GPLD1: variants seen among roughly 807,000 people sequenced by gnomAD.
The protein encoded by GPLD1 is phosphatidylinositol-glycan-specific phospholipase D.
Under a neutral mutation model 112.6 loss-of-function variants are expected in GPLD1, and 84 were observed. The observed-to-expected ratio is 0.75, with a 90% confidence interval of 0.63 to 0.89. The LOEUF is 0.89. Among genes scored for constraint, GPLD1 ranks in the 40% least tolerant of loss-of-function variants. The pLI, the probability that GPLD1 is intolerant of heterozygous loss-of-function variation, is 0.00. For synonymous variants in GPLD1, 386 were observed against 403.8 expected (o/e 0.96, Z 0.53); for missense variants, 1,044 against 1,051.5 (o/e 0.99, Z 0.10).
intron 5 of GPLD1, 71 bp downstream of exon 5, chr6:24,475,050 G>A (rs77374467): frequency 0.11 from 89,222 of 794,040 alleles, 5,840 homozygotes; most frequent in Middle Eastern, 0.22. Context: ...CTTTTAAAAC[G>A]GTCAGGTTTT....
chr6:24,492,376 C>T (rs1000063174), upstream of GPLD1, among the ~76,000 whole-genome samples: 4 of 151,814 alleles, frequency 2.6e-5, no homozygotes, highest in Middle Eastern at 3.4e-3. Context: ...CATGGTGGCG[C>T]GCACCTGTAC....
intron 2 of GPLD1, among the ~76,000 whole-genome samples, chr6:24,480,999 C>T (rs149416197): frequency 5.7e-4 from 87 of 152,298 alleles, no homozygotes; most frequent in African/African-American, 2.1e-3. Context: ...GGCAGGTGCC[C>T]GAGGTGGTGA....
At chr6:24,445,703 T>C in intron 19 of GPLD1, 23 bp downstream of exon 19, 1 of 1,599,294 alleles carries the variant, frequency 6.3e-7, no homozygotes, top group East Asian at 2.2e-5. Flanking sequence ...TCCACTCTCC[T>C]GTGTGGGGAG....
At chr6:24,493,081 A>G (rs1484850088), upstream of GPLD1, among the ~76,000 whole-genome samples, 1 of 152,164 alleles carries the variant, frequency 6.6e-6, no homozygotes, top group Non-Finnish European at 1.5e-5. Context: ...ACCGTTTGAA[A>G]TAGAACCTTA....
chr6:24,452,486 G>A (rs867480346), intron 14 of GPLD1, among the ~76,000 whole-genome samples: 34 of 152,206 alleles, frequency 2.2e-4, no homozygotes, highest in Middle Eastern at 3.4e-3. Flanking sequence ...TTTTGAAAGC[G>A]TGTTCATGGC....
chr6:24,435,422 G>A (rs1006098552), intron 22 of GPLD1, among the ~76,000 whole-genome samples: 9 of 152,182 alleles, frequency 5.9e-5, no homozygotes, highest in African/African-American at 1.7e-4. Context: ...AGCAGGATCC[G>A]CTCTAAAGGT....
At chr6:24,484,638 T>C (rs949394285) in intron 2 of GPLD1, among the ~76,000 whole-genome samples, 1 of 152,218 alleles carries the variant, frequency 6.6e-6, no homozygotes, top group African/African-American at 2.4e-5. Flanking sequence ...ATACCTCTAC[T>C]AGAAATCACT....
Position 24,494,922 on chromosome 6 carries a change from G to A in GPLD1, n.239+45C>T, listed in dbSNP as rs913273985. ...TCCCCGGCGCCTCCTCGCTCCTCTT[G>A]CTTCCCCGCGACCCCTGCGTTCCCG... On this transcript the variant is annotated intron_variant and non_coding_transcript_variant, in intron 1 of 10. Coordinates refer to the GPLD1 transcript ENST00000474784. 7 of 1,248,712 alleles carry A rather than the reference G, an allele frequency of 5.6e-6. No individual in the cohort carries two copies. The African/African-American group carries it at 1.1e-4, about 19-fold the overall frequency. 77.4% of individuals were successfully genotyped at this position (1,248,712 alleles called of 1,614,324 possible).
In GPLD1 at chr6:24,430,665, C is replaced by T. The variant is rs748520999; in HGVS notation, c.2437-1547G>A. Among the ~76,000 whole-genome samples, 7 of 152,276 alleles carry T rather than the reference C, an allele frequency of 4.6e-5. No homozygotes were observed. The East Asian group carries it at 9.6e-4, about 21-fold the overall frequency. ...TTACGACTAATTTCATTACTGAATG[C>T]TCTTATGCCACAGAAAGGAAGGAAT... On this transcript the variant is annotated intron_variant, in intron 24 of 24. Transcript: ENST00000230036.
rs939588613 is a variant in GPLD1, at chr6:24,428,332, T to C, written c.*700A>G. ...GTGTCATGGGGGTTTGTTACACAGATTATTTCATCACCCTAAGTATCCATT... is the reference window on the plus strand; with the variant it reads ...GTGTCATGGGGGTTTGTTACACAGACTATTTCATCACCCTAAGTATCCATT... On this transcript the variant is annotated 3_prime_UTR_variant, in exon 25 of 25. Transcript: ENST00000230036. 5 of 152,162 alleles carry C rather than the reference T, an allele frequency of 3.3e-5. No individual in the cohort carries two copies. Among genetic ancestry groups the C allele is most frequent in the African/African-American group, 1.2e-4 (5 of 41,438 alleles). The allele number at this position is 152,162 out of a possible 1,614,324, so 9.4% of individuals were successfully genotyped here.
At chr6:24,493,412 G>A (rs1489580290), upstream of GPLD1, among the ~76,000 whole-genome samples, 1 of 152,206 alleles carries the variant, frequency 6.6e-6, no homozygotes, top group Non-Finnish European at 1.5e-5. Context: ...GGAGGCGGAA[G>A]TTGCAGGGAG....
intron 2 of GPLD1, among the ~76,000 whole-genome samples, chr6:24,484,501 C>A (rs1362092655): frequency 5.3e-5 from 8 of 152,220 alleles, no homozygotes; most frequent in African/African-American, 1.9e-4. Context: ...CAGGCATGAG[C>A]CATCACGCCT....
intron 20 of GPLD1, among the ~76,000 whole-genome samples, chr6:24,444,491 CTTAT>C (rs1252320717): frequency 7.4e-5 from 11 of 149,456 alleles, no homozygotes; most frequent in South Asian, 2.1e-4. Context: ...GGAAATGGTT[CTTAT>C]TTATTTTTTT....
intron 20 of GPLD1, 149 bp from the exon 21 acceptor site, chr6:24,437,438 T>G (rs1581732333): frequency 1.5e-6 from 1 of 665,686 alleles, no homozygotes; most frequent in Admixed American, 2.8e-5. Flanking sequence ...GTCAGGGAGG[T>G]ACAACCAGCT....
At position 24,466,400 on chromosome 6, in the gene GPLD1, C is replaced by T. The variant is rs555792388; in HGVS notation, c.821+280G>A. Reference sequence around the variant, plus strand: ...CACCACCTGTGGAGGCTGATTCCTGCCTGGCTGAGCCATTTCTCACAGACC... The same window carrying T: ...CACCACCTGTGGAGGCTGATTCCTGTCTGGCTGAGCCATTTCTCACAGACC... On this transcript the variant is annotated intron_variant, in intron 10 of 24. Coordinates refer to ENST00000230036, the MANE Select transcript of GPLD1 (RefSeq NM_001503.4). 8.5e-5 allele frequency among the ~76,000 whole-genome samples: 13 copies of T among 152,284 alleles called. No homozygotes were observed. In the South Asian group the frequency reaches 1.2e-3, roughly 15 times the overall value.
chr6:24,438,197 C>T (rs1255152415), intron 20 of GPLD1, among the ~76,000 whole-genome samples: 1 of 152,110 alleles, frequency 6.6e-6, no homozygotes, highest in East Asian at 1.9e-4. Flanking sequence ...AATGCGGTCA[C>T]GTCTCTGTCT....
At chr6:24,467,336 G>A in intron 7 of GPLD1, 62 bp from the exon 8 acceptor site, 3 of 864,926 alleles carry the variant, frequency 3.5e-6, no homozygotes, top group Non-Finnish European at 5.9e-6. Context: ...AGTAACAACA[G>A]CAGCAGCAGC....
upstream of GPLD1, among the ~76,000 whole-genome samples, chr6:24,492,757 A>C (rs1250600435): frequency 6.6e-6 from 1 of 152,012 alleles, no homozygotes. Context: ...AATTGTTTAC[A>C]CTCTGAATGG....
At chr6:24,489,650 A>G (rs1280472130), upstream of GPLD1, 6 of 1,413,852 alleles carry the variant, frequency 4.2e-6, no homozygotes, top group East Asian at 1.5e-4. Context: ...CCTCATTTCA[A>G]AATAATATCG....
Sources: gnomAD v4.1 joint callset for allele counts (sites outside exome capture counted in the v4.1 genomes callset) on GRCh38, gnomAD v4.1.1 for gene constraint, MANE v1.5 for transcripts, NCBI Gene and HGNC (gene_info 2026-07-23, HGNC 2026-07-21) for gene names.